Variants in PADI1 observed in about 807,000 individuals in gnomAD.
PADI1 encodes the protein peptidyl arginine deiminase 1.
PADI1 carries 65 observed loss-of-function variants against 74.8 expected under a neutral mutation model. The ratio of observed to expected loss-of-function variants is 0.87; its 90% CI spans 0.71 to 1.07. The LOEUF (loss-of-function observed/expected upper bound fraction) is 1.07. Ranked by LOEUF, PADI1 falls within the 50% of genes least tolerant of loss-of-function variation. The probability of loss-of-function intolerance (pLI) is 0.00; values close to 1 mark genes in which losing one functional copy is unlikely to be tolerated. For synonymous variants in PADI1, 371 were observed against 336.2 expected, an observed-to-expected ratio of 1.10 and a Z score of -1.13; for missense variants, 943 against 854.0, an observed-to-expected ratio of 1.10 and a Z score of -1.30.
chr1:17,206,667 T>G (rs902978922), intron 1 of PADI1, among the ~76,000 whole-genome samples: 1 of 134,888 alleles, frequency 7.4e-6, no homozygotes, highest in Non-Finnish European at 1.6e-5. Context: ...GAAGCTGAAG[T>G]CTTTTTTTTC....
intron 1 of PADI1, 93 bp from the exon 2 acceptor site, chr1:17,222,197 G>T (rs376779504): frequency 4.6e-6 from 4 of 865,368 alleles, no homozygotes; most frequent in Non-Finnish European, 7.4e-6. Flanking sequence ...CCATTTGAAC[G>T]GCCTGGCAGC....
intron 8 of PADI1, among the ~76,000 whole-genome samples, chr1:17,229,553 G>A (rs1471533074): frequency 6.6e-6 from 1 of 152,230 alleles, no homozygotes; most frequent in African/African-American, 2.4e-5. Context: ...GCCCTGCCAG[G>A]CCTCTGTGCC....
In PADI1 at chr1:17,222,416, T is replaced by G; in HGVS notation, c.219T>G (p.Asp73Glu). 6.2e-7 allele frequency: 1 copy of G among 1,614,126 alleles called. No individual in the cohort carries two copies. The highest frequency in any genetic ancestry group is 8.5e-7 in the Non-Finnish European group (1 of 1,180,000). Residue 73 changes from aspartate to glutamate, a missense_variant, in exon 2 of 16, where the codon GAT becomes GAG. Asp to Glu is a conservative substitution (Grantham distance 45). Coordinates refer to ENST00000375471, the MANE Select transcript of PADI1 (RefSeq NM_013358.3). ...IGKARWPLDTDADMVVSVGTA... is the reference protein window; with the variant it reads ...IGKARWPLDTEADMVVSVGTA... ...AGGCCCGTTGGCCGCTAGACACTGA[T>G]GCAGACATGGTCGTATCTGTGGGCA... is the stretch of plus-strand genomic sequence containing the variant.
intron 11 of PADI1, among the ~76,000 whole-genome samples, chr1:17,235,261 G>GGAAGGAAGGAAGGAAGGAAGGAA (rs1553129533): frequency 1.4e-5 from 1 of 72,976 alleles, no homozygotes. Context: ...GAGGGAGGAA[G>GGAAGGAAGGAAGGAAGGAAGGAA]GGAAGGAAGG....
chr1:17,224,330 G>C, intron 3 of PADI1, 37 bp from the exon 4 acceptor site: 1 of 1,583,208 alleles, frequency 6.3e-7, no homozygotes, highest in Non-Finnish European at 8.7e-7. Context: ...GATGGGGCTG[G>C]ATGAGCCCCT....
chr1:17,223,990 C>T (rs1208896043), intron 3 of PADI1, among the ~76,000 whole-genome samples: 2 of 152,254 alleles, frequency 1.3e-5, no homozygotes, highest in East Asian at 3.9e-4. Context: ...CAAGACCCAG[C>T]ACGGAACGTG....
At chr1:17,228,089 C>T (rs2072373655) in intron 6 of PADI1, among the ~76,000 whole-genome samples, 1 of 152,180 alleles carries the variant, frequency 6.6e-6, no homozygotes, top group Non-Finnish European at 1.5e-5. Context: ...CTCCCGGGCT[C>T]AAGCGATACT....
intron 10 of PADI1, among the ~76,000 whole-genome samples, chr1:17,231,842 A>G (rs1354411344): frequency 6.6e-6 from 1 of 152,008 alleles, no homozygotes. Context: ...TGCTGCACCC[A>G]TTAACTCGGC....
intron 1 of PADI1, among the ~76,000 whole-genome samples, chr1:17,220,961 G>A (rs1332638050): frequency 6.6e-6 from 1 of 152,244 alleles, no homozygotes; most frequent in South Asian, 2.1e-4. Context: ...ACCAGCTGTG[G>A]CTGGGAGCAG....
chr1:17,226,942 T>A (rs1006245159), intron 6 of PADI1, among the ~76,000 whole-genome samples: 1 of 151,504 alleles, frequency 6.6e-6, no homozygotes, highest in Non-Finnish European at 1.5e-5. Context: ...TCCCAGCTGC[T>A]CCGGAGGTTA....
intron 12 of PADI1, 151 bp downstream of exon 12, chr1:17,237,609 C>A: frequency 1.7e-6 from 1 of 597,690 alleles, no homozygotes; most frequent in Non-Finnish European, 2.7e-6. Flanking sequence ...CCCTGACACG[C>A]TCATCCTCAC....
rs764757537 is a variant in PADI1, at chr1:17,244,048, C to T, written c.1797C>T (p.Pro599=). 5.6e-6 allele frequency: 9 copies of T among 1,614,060 alleles called. No homozygotes were observed. The highest frequency in any genetic ancestry group is 7.6e-6 in the Non-Finnish European group (9 of 1,180,026). The part of the protein sequence containing the change: ...MVVLGKYLGI[P]KPYGPIINGR... ...TCTTAGGCAAGTACCTGGGCATCCC[C>T]AAGCCCTACGGGCCCATCATCAATG... The change falls in exon 16 of 16, where the codon CCC becomes CCT. Residue 599 remains proline (P), a synonymous_variant. Transcript: ENST00000375471.
At position 17,230,699 on chromosome 1, in the gene PADI1, G is replaced by C; in HGVS notation, c.1161+20G>C. ...ATCCTGGTACGTAGCGACAGGTAGAGTGCAGAAACCCTGGTTGGGTCCTCC... is the reference window on the plus strand; with the variant it reads ...ATCCTGGTACGTAGCGACAGGTAGACTGCAGAAACCCTGGTTGGGTCCTCC... On this transcript the variant is annotated intron_variant, in intron 10 of 15. Transcript: ENST00000375471. The C allele has an allele frequency of 6.9e-7, 1 of 1,457,556 alleles. No individual in the cohort carries two copies. Among genetic ancestry groups the C allele is most frequent in the Non-Finnish European group, 9.6e-7 (1 of 1,043,968 alleles). 90.3% of individuals were successfully genotyped at this position (1,457,556 alleles called of 1,614,324 possible). A position where few individuals can be genotyped will look rare whatever the true frequency, so the allele number is the denominator to read the frequency against.
Position 17,244,080 on chromosome 1 carries a change from G to A in PADI1, c.1829G>A (p.Cys610Tyr). 1 of 1,614,230 alleles carries A rather than the reference G, an allele frequency of 6.2e-7. No homozygotes were observed. Among genetic ancestry groups the A allele is most frequent in the African/African-American group, 1.3e-5 (1 of 75,068 alleles). ...TACGGGCCCATCATCAATGGCCGCT[G>A]CTGCCTGGAGGAGAAGGTGCAGTCC... ...KPYGPIINGR[C>Y]CLEEKVQSLL... is the part of the protein sequence containing the mutation. The change falls in exon 16 of 16, where the codon TGC (cysteine) becomes TAC (tyrosine). Residue 610 changes from cysteine (C) to tyrosine (Y), a missense_variant. By Grantham distance (194) the Cys-to-Tyr change is radical. Coordinates refer to ENST00000375471, the MANE Select transcript of PADI1 (RefSeq NM_013358.3).
chr1:17,214,281 A>G (rs2100412960), intron 1 of PADI1, among the ~76,000 whole-genome samples: 1 of 152,098 alleles, frequency 6.6e-6, no homozygotes, highest in Non-Finnish European at 1.5e-5. Context: ...CCCACACTTC[A>G]CTCCATGGAA....
chr1:17,232,866 C>T lies in PADI1; in HGVS notation c.1209C>T (p.Pro403=). ...CCCGGGAGATCCCGCTCCCTGGTCC[C>T]TCCAGCCTTGACTCCTTCGGCAACC... The part of the protein sequence containing the change: ...YVTREIPLPG[P]SSLDSFGNLD... The change falls in exon 11 of 16, where the codon CCC becomes CCT. Residue 403 remains proline, a synonymous_variant. Coordinates refer to ENST00000375471, the MANE Select transcript of PADI1 (RefSeq NM_013358.3). 2 of 1,613,712 alleles carry T rather than the reference C, an allele frequency of 1.2e-6. No homozygotes were observed. Among genetic ancestry groups the T allele is most frequent in the Non-Finnish European group, 1.7e-6 (2 of 1,179,966 alleles).
Position 17,224,409 on chromosome 1 carries a change from A to G in PADI1, c.389A>G (p.Lys130Arg). The change falls in exon 4 of 16, where the codon AAG (lysine) becomes AGG (arginine). Residue 130 changes from lysine (K) to arginine (R), a missense_variant. Physicochemically the swap from Lys to Arg is conservative, Grantham distance 26. Coordinates refer to ENST00000375471, the MANE Select transcript of PADI1 (RefSeq NM_013358.3). Reference sequence around the variant, plus strand: ...GACACAGGCCGCACAGGCAAGGTGAAGAGGAGCCAAGGGGACAAGGTGAGA... The same window carrying G: ...GACACAGGCCGCACAGGCAAGGTGAGGAGGAGCCAAGGGGACAAGGTGAGA... ...EVDTGRTGKV[K>R]RSQGDKKTWR... 1 of 1,613,926 alleles carries G rather than the reference A, an allele frequency of 6.2e-7. No individual in the cohort carries two copies. The highest frequency in any genetic ancestry group is 8.5e-7 in the Non-Finnish European group (1 of 1,179,892).
In PADI1 at chr1:17,244,460, C is replaced by A; in HGVS notation, c.*217C>A. 1.5e-6 allele frequency: 1 copy of A among 653,700 alleles called. No individual in the cohort carries two copies. Among genetic ancestry groups the A allele is most frequent in the Non-Finnish European group, 2.8e-6 (1 of 353,924 alleles). The allele number at this position is 653,700 out of a possible 1,614,324, so 40.5% of individuals were successfully genotyped here. A position where few individuals can be genotyped will look rare whatever the true frequency, so the allele number is the denominator to read the frequency against. On this transcript the variant is annotated 3_prime_UTR_variant, in exon 16 of 16. Coordinates refer to ENST00000375471, the MANE Select transcript of PADI1 (RefSeq NM_013358.3). ...CGAGAAGAATGCACCTCATTCTTCC[C>A]TGGCCTCTTTCCCACCCACAGCCCC... is the stretch of plus-strand genomic sequence containing the variant.
chr1:17,219,736 G>A (rs578078042), intron 1 of PADI1, among the ~76,000 whole-genome samples: 18 of 152,192 alleles, frequency 1.2e-4, no homozygotes, highest in African/African-American at 2.2e-4. Context: ...GGGGGTTTAC[G>A]GAGTGAAGAA....
Sources: allele counts gnomAD v4.1 joint callset (sites outside exome capture counted in the v4.1 genomes callset), GRCh38; gene constraint gnomAD v4.1.1; transcripts MANE v1.5; gene names NCBI Gene and HGNC (gene_info 2026-07-23, HGNC 2026-07-21).